PIK3R5: variants seen among roughly 807,000 people sequenced by gnomAD.
The protein encoded by PIK3R5 is phosphoinositide 3-kinase regulatory subunit 5.
In PIK3R5, 32 loss-of-function variants were observed where a neutral mutation model predicts 94.9. That is an observed-to-expected ratio of 0.34 (90% CI 0.25 to 0.45). The LOEUF is 0.45. Ranked by LOEUF, PIK3R5 falls within the 20% of genes least tolerant of loss-of-function variation. The pLI, the probability that PIK3R5 is intolerant of heterozygous loss-of-function variation, is 1.00. For missense variants in PIK3R5, 853 were observed against 1,144.6 expected, an observed-to-expected ratio of 0.75 and a Z score of 3.68; for synonymous variants, 443 against 479.4, an observed-to-expected ratio of 0.92 and a Z score of 0.99.
chr17:8,890,942 C>A lies in PIK3R5; in HGVS notation c.483-30G>T, dbSNP rs776270870. ...GGACACAGGGGACCGGCTATGGCAC[C>A]CAGGGGTGCGCAGCATGCCACAGTG... On this transcript the variant is annotated intron_variant, in intron 6 of 18. Coordinates refer to ENST00000447110, the MANE Select transcript of PIK3R5 (RefSeq NM_001142633.3). The surrounding 1 kb of genome is among the most constrained non-coding windows in gnomAD (Gnocchi z 6.1). 1 of 1,605,764 alleles carries A rather than the reference C, an allele frequency of 6.2e-7. No homozygotes were observed. Among genetic ancestry groups the A allele is most frequent in the Admixed American group, 1.7e-5 (1 of 59,264 alleles).
Position 8,884,476 on chromosome 17 carries a change from C to T in PIK3R5, c.2205+231G>A, listed in dbSNP as rs924906941. On this transcript the variant is annotated intron_variant, in intron 15 of 18. Coordinates refer to ENST00000447110, the MANE Select transcript of PIK3R5 (RefSeq NM_001142633.3). The surrounding 1 kb of genome is among the most constrained non-coding windows in gnomAD (Gnocchi z 5.8). ...CCCCTGGGCTGCTGCTGAGCGCATTCGGGTGGGGGCAGAGAACATGGTGGG... is the reference window on the plus strand; with the variant it reads ...CCCCTGGGCTGCTGCTGAGCGCATTTGGGTGGGGGCAGAGAACATGGTGGG... Among the ~76,000 whole-genome samples the T allele has an allele frequency of 2.6e-5, 4 of 152,108 alleles. No homozygotes were observed. Among genetic ancestry groups the T allele is most frequent in the African/African-American group, 4.8e-5 (2 of 41,400 alleles).
chr17:8,886,402 C>G (rs1478352439), intron 13 of PIK3R5, 75 bp downstream of exon 13: 5 of 1,599,906 alleles, frequency 3.1e-6, no homozygotes, highest in Non-Finnish European at 4.3e-6. Context: ...GACCTGCTGG[C>G]TCTCCCGGGG....
intron 15 of PIK3R5, among the ~76,000 whole-genome samples, chr17:8,883,512 C>T (rs1431337915): frequency 6.6e-6 from 1 of 152,236 alleles, no homozygotes; most frequent in Non-Finnish European, 1.5e-5. Flanking sequence ...TTTCAGAGTG[C>T]TTCAAGGTGT....
intron 1 of PIK3R5, among the ~76,000 whole-genome samples, chr17:8,929,994 G>C (rs2090959234): frequency 6.6e-6 from 1 of 152,114 alleles, no homozygotes; most frequent in African/African-American, 2.4e-5. Flanking sequence ...GAAATAATCG[G>C]AGACTTCAGC....
intron 5 of PIK3R5, among the ~76,000 whole-genome samples, chr17:8,898,278 G>A (rs1293083498): frequency 6.6e-6 from 1 of 152,206 alleles, no homozygotes; most frequent in Non-Finnish European, 1.5e-5. Flanking sequence ...AAGCAAAACT[G>A]ACCTAACCCA....
intron 3 of PIK3R5, among the ~76,000 whole-genome samples, chr17:8,906,190 G>C (rs1180905301): frequency 6.6e-6 from 1 of 151,774 alleles, no homozygotes; most frequent in Admixed American, 6.6e-5. Context: ...GGTGTGTGAT[G>C]TCCCCTCCCT....
At chr17:8,902,103 G>A (rs960171662) in intron 5 of PIK3R5, among the ~76,000 whole-genome samples, 3 of 150,768 alleles carry the variant, frequency 2.0e-5, no homozygotes, top group African/African-American at 2.4e-5. Context: ...CTTTAGTTTT[G>A]CATTTTCTTT....
intron 1 of PIK3R5, among the ~76,000 whole-genome samples, chr17:8,920,618 G>A (rs1480248152): frequency 6.6e-6 from 1 of 152,134 alleles, no homozygotes; most frequent in African/African-American, 2.4e-5. Context: ...AGAGTTATTG[G>A]TCTGTTCAGG....
intron 5 of PIK3R5, among the ~76,000 whole-genome samples, chr17:8,894,638 A>C (rs1453344056): frequency 6.6e-6 from 1 of 152,202 alleles, no homozygotes. Context: ...TCTGTTGTGC[A>C]CAGTAGTCGC....
intron 12 of PIK3R5, among the ~76,000 whole-genome samples, 160 bp downstream of exon 12, chr17:8,886,936 G>C (rs763440591): frequency 6.6e-6 from 1 of 152,198 alleles, no homozygotes; most frequent in Non-Finnish European, 1.5e-5. Context: ...CCTGAGTTCA[G>C]GCTCAGTCCT....
chr17:8,927,028 C>A (rs1464691223), intron 1 of PIK3R5, among the ~76,000 whole-genome samples: 2 of 151,890 alleles, frequency 1.3e-5, no homozygotes, highest in South Asian at 2.1e-4. Flanking sequence ...ACATAAGAGA[C>A]CCTGAAAGAG....
At chr17:8,958,408 A>G (rs953456489) in intron 1 of PIK3R5, among the ~76,000 whole-genome samples, 3 of 152,218 alleles carry the variant, frequency 2.0e-5, no homozygotes, top group Non-Finnish European at 4.4e-5. Flanking sequence ...TGTGGAAGCT[A>G]ATGATCTAAT....
Position 8,882,411 on chromosome 17 carries a change from G to A in PIK3R5, c.2206-530C>T. 6.1e-6 allele frequency: 1 copy of A among 162,662 alleles called. No individual in the cohort carries two copies. Among genetic ancestry groups the A allele is most frequent in the Non-Finnish European group, 1.4e-5 (1 of 73,292 alleles). 10.1% of individuals were successfully genotyped at this position (162,662 alleles called of 1,614,324 possible). On this transcript the variant is annotated intron_variant, in intron 15 of 18. Transcript: ENST00000447110. This position sits in a 1 kb window ranked among gnomAD's most constrained non-coding sequence, Gnocchi z 4.1. The stretch of plus-strand genomic sequence containing the variant: ...GGTTTTTCTAGCGCCTCTCTGGCTG[G>A]TGCCTCTCTGCTTTGCTGGATCGCT...
In PIK3R5 at chr17:8,887,509, C is replaced by G; in HGVS notation, c.1779+12G>C. 6.3e-7 allele frequency: 1 copy of G among 1,599,040 alleles called. No individual in the cohort carries two copies. The highest frequency in any genetic ancestry group is 8.5e-7 in the Non-Finnish European group (1 of 1,172,850). ...TACTTTCCCCGACCATTGGCCCAGG[C>G]TGGGGACATACTCCAGGGCTGGCGT... On this transcript the variant is annotated intron_variant, in intron 11 of 18. Coordinates refer to ENST00000447110, the MANE Select transcript of PIK3R5 (RefSeq NM_001142633.3).
Position 8,881,578 on chromosome 17 carries a change from C to T in PIK3R5, c.2382+52G>A, listed in dbSNP as rs111866391. On this transcript the variant is annotated intron_variant, in intron 17 of 18. Coordinates refer to ENST00000447110, the MANE Select transcript of PIK3R5 (RefSeq NM_001142633.3). This position sits in a 1 kb window ranked among gnomAD's most constrained non-coding sequence, Gnocchi z 4.8. ...ACACGTACACACATACGCACATGCACGCTCCAGTAAGTCTCTTGAGGGTAT... is the reference window on the plus strand; with the variant it reads ...ACACGTACACACATACGCACATGCATGCTCCAGTAAGTCTCTTGAGGGTAT... The T allele has an allele frequency of 1.7e-3, 2,395 of 1,430,684 alleles. 22 individuals are homozygous for T. The African/African-American group carries it at 0.027, about 16-fold the overall frequency. The allele number at this position is 1,430,684 out of a possible 1,614,324, so 88.6% of individuals were successfully genotyped here. A position where few individuals can be genotyped will look rare whatever the true frequency, so the allele number is the denominator to read the frequency against.
At chr17:8,913,526 TTGAAA>T (rs1349288443) in intron 1 of PIK3R5, among the ~76,000 whole-genome samples, 1,850 of 152,190 alleles carry the variant, frequency 0.012, 34 homozygotes, top group African/African-American at 0.042. Flanking sequence ...GGCCAACATC[TTGAAA>T]CCCCATCTCT....
In PIK3R5 at chr17:8,881,568, C is replaced by T. The variant is rs116361759; in HGVS notation, c.2382+62G>A. On this transcript the variant is annotated intron_variant, in intron 17 of 18. Transcript: ENST00000447110. This position sits in a 1 kb window ranked among gnomAD's most constrained non-coding sequence, Gnocchi z 4.8. ...ATGTGCACACACACGTACACACATA[C>T]GCACATGCACGCTCCAGTAAGTCTC... The T allele has an allele frequency of 2.8e-4, 358 of 1,280,944 alleles. No individual in the cohort carries two copies. In the African/African-American group the frequency reaches 4.3e-3, roughly 15 times the overall value. The allele number at this position is 1,280,944 out of a possible 1,614,324, so 79.3% of individuals were successfully genotyped here.
chr17:8,939,964 T>C (rs971248525), intron 1 of PIK3R5, among the ~76,000 whole-genome samples: 15 of 152,208 alleles, frequency 9.9e-5, no homozygotes, highest in Middle Eastern at 3.2e-3. Flanking sequence ...CTCATGGTGG[T>C]CCCCATCTCA....
chr17:8,910,703 G>A (rs941711171), intron 2 of PIK3R5, among the ~76,000 whole-genome samples: 43 of 152,196 alleles, frequency 2.8e-4, no homozygotes, highest in African/African-American at 9.9e-4. Flanking sequence ...GAAGGAGCCA[G>A]CTATGTGTAC....
Sources: gnomAD v4.1 joint callset for allele counts (sites outside exome capture counted in the v4.1 genomes callset) on GRCh38, gnomAD v4.1.1 for gene constraint, Gnocchi (gnomAD v3.1) non-coding constraint, MANE v1.5 for transcripts, NCBI Gene and HGNC (gene_info 2026-07-23, HGNC 2026-07-21) for gene names.